Variants in CUL4A observed in about 807,000 individuals in gnomAD.
The protein encoded by CUL4A is cullin-4A.
A neutral mutation model predicts 95.5 loss-of-function variants in CUL4A; 16 were observed. The ratio of observed to expected loss-of-function variants is 0.17; its 90% CI spans 0.11 to 0.25. The LOEUF is 0.25. Among genes scored for constraint, CUL4A ranks in the 10% least tolerant of loss-of-function variants. CUL4A has a pLI of 1.00. For synonymous variants in CUL4A, 380 were observed against 353.1 expected, an observed-to-expected ratio of 1.08 and a Z score of -0.85; for missense variants, 610 against 937.0, an observed-to-expected ratio of 0.65 and a Z score of 4.56.
At chr13:113,219,686 G>C (rs912671579) in intron 3 of CUL4A, 1 of 152,438 alleles carries the variant, frequency 6.6e-6, no homozygotes, top group Non-Finnish European at 1.5e-5. Context: ...GAATCTGCCT[G>C]TCTGACCTGC....
intron 5 of CUL4A, 153 bp downstream of exon 5, chr13:113,229,672 A>C (rs745618204): frequency 2.9e-5 from 19 of 644,430 alleles, no homozygotes; most frequent in African/African-American, 2.7e-4. Context: ...GTAGGAGTCC[A>C]GGTGGGTCTT....
intron 10 of CUL4A, among the ~76,000 whole-genome samples, chr13:113,240,812 C>G (rs993065274): frequency 6.6e-6 from 1 of 152,016 alleles, no homozygotes; most frequent in East Asian, 1.9e-4. Context: ...AGATGAGTTA[C>G]GAGTAAACTG....
intron 11 of CUL4A, 157 bp from the exon 12 acceptor site, chr13:113,244,253 T>C: frequency 1.7e-6 from 1 of 597,818 alleles, no homozygotes; most frequent in Non-Finnish European, 3.0e-6. Context: ...CTCACTTGAC[T>C]TGAGAAGTAC....
chr13:113,250,837 G>C lies in CUL4A; in HGVS notation c.1639-2245G>C, dbSNP rs184969355. On this transcript the variant is annotated intron_variant, in intron 15 of 19. Coordinates refer to ENST00000375440, the MANE Select transcript of CUL4A (RefSeq NM_001008895.4). ...TACCTACAAATGAAATGAAATCGATGATATCGTGCCTGGGATTTGGTGTCA... is the reference window on the plus strand; with the variant it reads ...TACCTACAAATGAAATGAAATCGATCATATCGTGCCTGGGATTTGGTGTCA... 2.0e-5 allele frequency among the ~76,000 whole-genome samples: 3 copies of C among 152,236 alleles called. No individual in the cohort carries two copies. In the East Asian group the frequency reaches 5.8e-4, roughly 29 times the overall value.
rs777234180 is a variant in CUL4A at position 113,229,481 on chromosome 13, C to T, written c.474C>T (p.Arg158=). The change falls in exon 5 of 20, where the codon CGC becomes CGT. Residue 158 remains arginine, a synonymous_variant. Transcript: ENST00000375440. ...MIRSIFLFLD[R]TYVLQNSTLP... The stretch of plus-strand genomic sequence containing the variant: ...GAAGCATCTTCCTGTTCTTGGACCG[C>T]ACCTATGTGCTGCAGAACTCCACGC... The T allele has an allele frequency of 6.2e-6, 10 of 1,613,746 alleles. No individual in the cohort carries two copies. In the Admixed American group the frequency reaches 6.7e-5, roughly 11 times the overall value.
At chr13:113,240,452 G>A (rs34989271) in intron 10 of CUL4A, among the ~76,000 whole-genome samples, 31,245 of 152,128 alleles carry the variant, frequency 0.21, 3,863 homozygotes, top group South Asian at 0.42. Flanking sequence ...CAGATAGCTC[G>A]TGTTTTCAGG....
intron 3 of CUL4A, among the ~76,000 whole-genome samples, chr13:113,226,935 A>T (rs2041126548): frequency 6.6e-6 from 1 of 152,190 alleles, no homozygotes; most frequent in Non-Finnish European, 1.5e-5. Flanking sequence ...GAGTATGTTC[A>T]GTGTCTGCCC....
intron 2 of CUL4A, among the ~76,000 whole-genome samples, chr13:113,218,107 A>T (rs2040760904): frequency 6.6e-6 from 1 of 152,126 alleles, no homozygotes; most frequent in Non-Finnish European, 1.5e-5. Flanking sequence ...GCGTGGTGGC[A>T]GGTGCCTATA....
intron 18 of CUL4A, among the ~76,000 whole-genome samples, chr13:113,255,550 T>C (rs2042099597): frequency 1.3e-5 from 2 of 152,204 alleles, no homozygotes; most frequent in South Asian, 4.1e-4. Context: ...AATTCTCTTA[T>C]GTTCTGTCGC....
At chr13:113,253,814 C>G (rs940928040) in intron 16 of CUL4A, among the ~76,000 whole-genome samples, 45 of 152,206 alleles carry the variant, frequency 3.0e-4, no homozygotes, top group African/African-American at 1.0e-3. Context: ...ATGCACTGAT[C>G]AATGAAAGGC....
At chr13:113,239,200 TAAAG>T (rs1312118521) in intron 9 of CUL4A, among the ~76,000 whole-genome samples, 2 of 152,186 alleles carry the variant, frequency 1.3e-5, no homozygotes, top group Non-Finnish European at 2.9e-5. Flanking sequence ...TTCAATGACA[TAAAG>T]AAGTAAATAA....
At chr13:113,257,868 C>G (rs1033490105) in intron 18 of CUL4A, among the ~76,000 whole-genome samples, 2 of 152,112 alleles carry the variant, frequency 1.3e-5, no homozygotes, top group Non-Finnish European at 1.5e-5. Flanking sequence ...CTAACTGCCC[C>G]CATCCTTTCC....
Position 113,263,850 on chromosome 13 carries a change from A to T in CUL4A, c.*268A>T, listed in dbSNP as rs2042351411. On this transcript the variant is annotated 3_prime_UTR_variant, in exon 20 of 20. Transcript: ENST00000375440. ...AAAATAACTTTGAGATTGGACAAGAAGATGTTACTAAAGAGAAGTTCCTTT... is the reference window on the plus strand; with the variant it reads ...AAAATAACTTTGAGATTGGACAAGATGATGTTACTAAAGAGAAGTTCCTTT... The T allele has an allele frequency of 6.6e-6, 2 of 305,112 alleles. No homozygotes were observed. Among genetic ancestry groups the T allele is most frequent in the Non-Finnish European group, 1.2e-5 (2 of 167,676 alleles). 18.9% of individuals were successfully genotyped at this position (305,112 alleles called of 1,614,324 possible). A position where few individuals can be genotyped will look rare whatever the true frequency, so the allele number is the denominator to read the frequency against.
At chr13:113,232,195 ACTACCCGC>A (rs1160401664) in intron 5 of CUL4A, among the ~76,000 whole-genome samples, 1 of 49,392 alleles carries the variant, frequency 2.0e-5, no homozygotes, top group African/African-American at 1.2e-4. Context: ...TGCTGCCACC[ACTACCCGC>A]CCACCACCAT....
At chr13:113,218,763 G>C (rs548530599) in intron 2 of CUL4A, among the ~76,000 whole-genome samples, 182 bp from the exon 3 acceptor site, 1 of 152,238 alleles carries the variant, frequency 6.6e-6, no homozygotes, top group South Asian at 2.1e-4. Context: ...GGACTGCAGT[G>C]TTCCAACGAG....
rs145715028 is a variant in CUL4A, at chr13:113,260,660, G to A, written c.2085G>A (p.Gln695=). Residue 695 remains glutamine (Q), a synonymous_variant, in exon 19 of 20, where the codon CAG becomes CAA. Transcript: ENST00000375440. ...GAGTGTTTCAGGATAGACAATATCA[G>A]ATTGATGCTGCTATCGTCAGAATAA... The part of the protein sequence containing the change: ...TERVFQDRQY[Q]IDAAIVRIMK... The A allele has an allele frequency of 1.2e-6, 2 of 1,612,984 alleles. No individual in the cohort carries two copies. The highest frequency in any genetic ancestry group is 2.7e-5 in the African/African-American group (2 of 74,866).
intron 3 of CUL4A, among the ~76,000 whole-genome samples, chr13:113,225,597 C>A (rs1290664142): frequency 6.6e-6 from 1 of 152,242 alleles, no homozygotes; most frequent in Admixed American, 6.5e-5. Context: ...GTCAGTTTAA[C>A]CCCGTTAAGT....
intron 15 of CUL4A, among the ~76,000 whole-genome samples, chr13:113,247,176 A>G (rs2041878609): frequency 6.6e-6 from 1 of 152,150 alleles, no homozygotes; most frequent in Non-Finnish European, 1.5e-5. Context: ...GCGCCAGGCC[A>G]TTCATGAGGG....
chr13:113,250,319 G>A (rs1344956472), intron 15 of CUL4A, among the ~76,000 whole-genome samples: 1 of 152,064 alleles, frequency 6.6e-6, no homozygotes, highest in Non-Finnish European at 1.5e-5. Flanking sequence ...GCATGTCGTG[G>A]TGTCTGCCTA....
Sources: gnomAD v4.1 joint callset for allele counts (sites outside exome capture counted in the v4.1 genomes callset) on GRCh38, gnomAD v4.1.1 for gene constraint, MANE v1.5 for transcripts, NCBI Gene and HGNC (gene_info 2026-07-23, HGNC 2026-07-21) for gene names.